The following WWP2 variants were observed in gnomAD, a reference collection of about 807,000 sequenced individuals.
WWP2 encodes the protein WW domain containing E3 ubiquitin protein ligase 2.
Under a neutral mutation model 121.0 loss-of-function variants are expected in WWP2, and 57 were observed. That is an observed-to-expected ratio of 0.47 (90% CI 0.38 to 0.59). The LOEUF (loss-of-function observed/expected upper bound fraction) is 0.59, where lower values mean the gene tolerates loss of function less well. Ranked by LOEUF, WWP2 falls within the 20% of genes least tolerant of loss-of-function variation. The pLI, the probability that WWP2 is intolerant of heterozygous loss-of-function variation, is 0.00. For synonymous variants in WWP2, 449 were observed against 441.3 expected, an observed-to-expected ratio of 1.02 and a Z score of -0.22; for missense variants, 962 against 1,158.9, an observed-to-expected ratio of 0.83 and a Z score of 2.47.
In WWP2 at chr16:69,842,300, AT is replaced by A. The variant is rs568700986; in HGVS notation, c.575+190del. Among the ~76,000 whole-genome samples, 863 of 149,632 alleles carry A rather than the reference AT, an allele frequency of 5.8e-3. 7 individuals are homozygous for A. The highest frequency in any genetic ancestry group is 0.012 in the African/African-American group (482 of 40,842). On this transcript the variant is annotated intron_variant, in intron 6 of 23. Transcript: ENST00000359154. Reference sequence around the variant, plus strand: ...AGTCCAGAGCTTAGGATCCTTATTTATTTTTTTTTTAATTGAATTTGGATTT... The same window carrying A: ...AGTCCAGAGCTTAGGATCCTTATTTATTTTTTTTTAATTGAATTTGGATTT...
At chr16:69,824,351 A>G (rs1304774341) in intron 4 of WWP2, among the ~76,000 whole-genome samples, 1 of 152,172 alleles carries the variant, frequency 6.6e-6, no homozygotes, top group East Asian at 1.9e-4. Context: ...GGACCAGAGT[A>G]AGAGTGTCAC....
chr16:69,939,300 A>C, intron 22 of WWP2, 41 bp from the exon 23 acceptor site: 1 of 1,612,538 alleles, frequency 6.2e-7, no homozygotes, highest in Non-Finnish European at 8.5e-7. Context: ...TTGGGAAGGG[A>C]CGTCTCTGCT....
At chr16:69,932,330 C>T (rs960126028) in intron 16 of WWP2, among the ~76,000 whole-genome samples, 1 of 152,208 alleles carries the variant, frequency 6.6e-6, no homozygotes, top group Non-Finnish European at 1.5e-5. Context: ...AACTCCATCT[C>T]AAAAACAAAA....
At chr16:69,896,411 G>T (rs200912202) in intron 8 of WWP2, among the ~76,000 whole-genome samples, 1 of 152,084 alleles carries the variant, frequency 6.6e-6, no homozygotes, top group Non-Finnish European at 1.5e-5. Context: ...GTGAACCACC[G>T]TGCCCATCCT....
At position 69,929,389 on chromosome 16, in the gene WWP2, A is replaced by T. The variant is rs1444100082; in HGVS notation, c.1235-59A>T. 2.6e-6 allele frequency: 4 copies of T among 1,541,212 alleles called. No individual in the cohort carries two copies. In the African/African-American group the frequency reaches 5.5e-5, roughly 21 times the overall value. Reference sequence around the variant, plus strand: ...CACCCAGGAGGTGGGAACCTCAGGGAAAGGACACCGGCTCTCCGTGTTTGA... The same window carrying T: ...CACCCAGGAGGTGGGAACCTCAGGGTAAGGACACCGGCTCTCCGTGTTTGA... On this transcript the variant is annotated intron_variant, in intron 11 of 23. Coordinates refer to ENST00000359154, the MANE Select transcript of WWP2 (RefSeq NM_001270454.2).
chr16:69,899,751 A>AAAAAC (rs2058171359), intron 8 of WWP2, among the ~76,000 whole-genome samples: 1 of 150,540 alleles, frequency 6.6e-6, no homozygotes, highest in Non-Finnish European at 1.5e-5. Flanking sequence ...AAAAAAAAAA[A>AAAAAC]TCAAGTTGTG....
chr16:69,897,164 G>A (rs1017013095), intron 8 of WWP2, among the ~76,000 whole-genome samples: 13 of 151,654 alleles, frequency 8.6e-5, no homozygotes, highest in Admixed American at 2.0e-4. Context: ...GTGCAGTGGC[G>A]TGGTCTCAGC....
chr16:69,792,745 G>A (rs1177966069), intron 2 of WWP2, among the ~76,000 whole-genome samples: 3 of 152,176 alleles, frequency 2.0e-5, no homozygotes, highest in African/African-American at 7.2e-5. Flanking sequence ...AGGCTAGAGT[G>A]CAGTGGCACA....
At chr16:69,779,464 T>C (rs1157802451) in intron 1 of WWP2, among the ~76,000 whole-genome samples, 1 of 152,248 alleles carries the variant, frequency 6.6e-6, no homozygotes, top group Non-Finnish European at 1.5e-5. Context: ...TCTACCCTGT[T>C]TCTCCTGCCT....
intron 7 of WWP2, among the ~76,000 whole-genome samples, chr16:69,879,992 AC>A (rs2057797900): frequency 6.7e-6 from 1 of 150,220 alleles, no homozygotes; most frequent in African/African-American, 2.5e-5. Flanking sequence ...AAAATGAGAT[AC>A]TTTTTTTTTT....
chr16:69,851,591 GTTTA>G (rs1321326243), intron 6 of WWP2, among the ~76,000 whole-genome samples: 5 of 152,086 alleles, frequency 3.3e-5, no homozygotes, highest in Non-Finnish European at 7.4e-5. Flanking sequence ...CTCCTCCACA[GTTTA>G]TTCATTCATT....
intron 4 of WWP2, among the ~76,000 whole-genome samples, chr16:69,802,599 CTTTTG>C (rs1407267512): frequency 8.0e-4 from 71 of 88,868 alleles, no homozygotes; most frequent in Admixed American, 2.7e-3. Flanking sequence ...TTTTTCTTTC[CTTTTG>C]TTTTTTTTTT....
intron 4 of WWP2, among the ~76,000 whole-genome samples, chr16:69,810,388 A>C (rs1372558550): frequency 6.6e-6 from 1 of 151,664 alleles, no homozygotes; most frequent in African/African-American, 2.4e-5. Context: ...CTCTGGGTAG[A>C]ACCCAGCTTT....
intron 4 of WWP2, among the ~76,000 whole-genome samples, chr16:69,823,945 C>T (rs1243309782): frequency 1.3e-5 from 2 of 152,186 alleles, no homozygotes; most frequent in Admixed American, 1.3e-4. Flanking sequence ...TCTCATCAGC[C>T]GTGTAGCATT....
intron 9 of WWP2, among the ~76,000 whole-genome samples, chr16:69,912,533 A>G (rs997496103): frequency 6.6e-6 from 1 of 152,078 alleles, no homozygotes; most frequent in Non-Finnish European, 1.5e-5. Flanking sequence ...TGCGGATGCT[A>G]TCTCCATTCC....
chr16:69,773,436 C>A (rs2055460790), intron 1 of WWP2, among the ~76,000 whole-genome samples: 1 of 152,144 alleles, frequency 6.6e-6, no homozygotes, highest in Non-Finnish European at 1.5e-5. Context: ...ACCTCGGCCT[C>A]CCAAAGTGCT....
At chr16:69,934,627 G>C (rs2058767979) in intron 17 of WWP2, among the ~76,000 whole-genome samples, 1 of 151,960 alleles carries the variant, frequency 6.6e-6, no homozygotes, top group Admixed American at 6.6e-5. Context: ...ATTTGGGAAT[G>C]TCCCACTGAG....
intron 6 of WWP2, among the ~76,000 whole-genome samples, chr16:69,866,119 T>C (rs1351465838): frequency 6.6e-6 from 1 of 152,012 alleles, no homozygotes; most frequent in Non-Finnish European, 1.5e-5. Flanking sequence ...CAAGAGGGGG[T>C]CCATTCAGTT....
At chr16:69,829,386 ACT>A (rs1225814977) in intron 4 of WWP2, among the ~76,000 whole-genome samples, 1 of 151,860 alleles carries the variant, frequency 6.6e-6, no homozygotes, top group Non-Finnish European at 1.5e-5. Context: ...TTACAGAAAA[ACT>A]CTCTAACACA....
Sources: gnomAD v4.1 joint callset for allele counts (sites outside exome capture counted in the v4.1 genomes callset) on GRCh38, gnomAD v4.1.1 for gene constraint, MANE v1.5 for transcripts, NCBI Gene and HGNC (gene_info 2026-07-23, HGNC 2026-07-21) for gene names.